The following LRRC4C variants were observed in gnomAD, a reference collection of about 807,000 sequenced individuals.
LRRC4C encodes leucine-rich repeat-containing protein 4C.
In LRRC4C, 5 loss-of-function variants were observed where a neutral mutation model predicts 33.6. The ratio of observed to expected loss-of-function variants is 0.15; its 90% confidence interval spans 0.08 to 0.31. The LOEUF (loss-of-function observed/expected upper bound fraction) is 0.31. Among genes scored for constraint, LRRC4C ranks in the 10% least tolerant of loss-of-function variants. The pLI is 1.00. For missense variants in LRRC4C, 560 were observed against 796.7 expected (o/e 0.70, Z 3.58); for synonymous variants, 329 against 302.0 (o/e 1.09, Z -0.93).
Position 40,505,004 on chromosome 11 carries a change from T to C in LRRC4C, c.-270+143138A>G, listed in dbSNP as rs192390261. 1.9e-4 allele frequency among the ~76,000 whole-genome samples: 29 copies of C among 152,314 alleles called. No individual in the cohort carries two copies. The East Asian group carries it at 3.7e-3, about 19-fold the overall frequency. Reference sequence around the variant, plus strand: ...GGGCCATCTTCAGGCTCAAGTCTTCTAGTGGGGGAAGGCAGGTGTTTTTTT... The same window carrying C: ...GGGCCATCTTCAGGCTCAAGTCTTCCAGTGGGGGAAGGCAGGTGTTTTTTT... On this transcript the variant is annotated intron_variant, in intron 3 of 6. Transcript: ENST00000528697.
chr11:40,877,796 T>C (rs982262684), intron 2 of LRRC4C, among the ~76,000 whole-genome samples: 66 of 152,288 alleles, frequency 4.3e-4, no homozygotes, highest in African/African-American at 1.5e-3. Context: ...TCCAAAGGCT[T>C]GTCTTTTCAT....
At chr11:41,022,218 T>G (rs1423478882) in intron 1 of LRRC4C, among the ~76,000 whole-genome samples, 1 of 150,056 alleles carries the variant, frequency 6.7e-6, no homozygotes, top group Non-Finnish European at 1.5e-5. Context: ...AACATATAAG[T>G]GTATATATAT....
intron 1 of LRRC4C, among the ~76,000 whole-genome samples, chr11:41,192,220 G>T (rs922461006): frequency 3.4e-4 from 52 of 152,078 alleles, no homozygotes; most frequent in African/African-American, 1.2e-3. Context: ...GGTTCATTAA[G>T]GTCTTCTCAT....
chr11:40,290,780 A>G (rs186851682), intron 4 of LRRC4C, among the ~76,000 whole-genome samples: 12 of 152,254 alleles, frequency 7.9e-5, no homozygotes, highest in Non-Finnish European at 1.2e-4. Flanking sequence ...GAGGAAAGGA[A>G]GAGGGAGAGA....
intron 1 of LRRC4C, among the ~76,000 whole-genome samples, chr11:41,409,503 C>T (rs1954378006): frequency 6.6e-6 from 1 of 152,136 alleles, no homozygotes; most frequent in Admixed American, 6.5e-5. Context: ...CTTAAAACAA[C>T]ATTATGAGAA....
chr11:40,896,888 G>T (rs1327116380), intron 2 of LRRC4C, among the ~76,000 whole-genome samples: 1 of 152,164 alleles, frequency 6.6e-6, no homozygotes, highest in Non-Finnish European at 1.5e-5. Context: ...TATCACAGAA[G>T]TGAGATAGAT....
intron 3 of LRRC4C, among the ~76,000 whole-genome samples, chr11:40,328,815 A>G (rs1378324155): frequency 6.6e-6 from 1 of 152,256 alleles, no homozygotes; most frequent in Non-Finnish European, 1.5e-5. Flanking sequence ...TGGAGTGCTC[A>G]GAGACTAGTG....
intron 1 of LRRC4C, among the ~76,000 whole-genome samples, chr11:41,320,485 G>T (rs992708816): frequency 2.6e-5 from 4 of 152,150 alleles, no homozygotes; most frequent in Non-Finnish European, 5.9e-5. Context: ...TGTCTATGGT[G>T]CATTACACTG....
chr11:40,584,883 G>C (rs1329925265), intron 3 of LRRC4C, among the ~76,000 whole-genome samples: 1 of 148,728 alleles, frequency 6.7e-6, no homozygotes, highest in Non-Finnish European at 1.5e-5. Context: ...AGTGAGCCGA[G>C]ATCATGCCAC....
chr11:40,688,665 GA>G (rs1945079894), intron 2 of LRRC4C, among the ~76,000 whole-genome samples: 1 of 152,102 alleles, frequency 6.6e-6, no homozygotes, highest in South Asian at 2.1e-4. Context: ...GGAAAGGTCA[GA>G]GGGGTGAAAT....
At chr11:41,162,566 TG>T (rs1328891434) in intron 1 of LRRC4C, among the ~76,000 whole-genome samples, 1 of 152,238 alleles carries the variant, frequency 6.6e-6, no homozygotes, top group African/African-American at 2.4e-5. Context: ...TATAGCCTAT[TG>T]CTCCTTAGGC....
chr11:40,963,989 G>T (rs1851149341), intron 1 of LRRC4C, among the ~76,000 whole-genome samples: 1 of 151,486 alleles, frequency 6.6e-6, no homozygotes, highest in Admixed American at 6.6e-5. Context: ...ATCTCGGTAG[G>T]TGGTCTTGGA....
intron 1 of LRRC4C, among the ~76,000 whole-genome samples, chr11:40,982,391 T>C (rs1306573740): frequency 1.3e-5 from 2 of 152,228 alleles, no homozygotes; most frequent in Admixed American, 6.5e-5. Context: ...GAGTGCCTTT[T>C]TTCTTACATG....
chr11:41,100,847 T>A (rs1941130007), intron 1 of LRRC4C, among the ~76,000 whole-genome samples: 2 of 151,888 alleles, frequency 1.3e-5, no homozygotes, highest in African/African-American at 4.8e-5. Flanking sequence ...AACAGACACA[T>A]AAACAAATGG....
chr11:41,230,220 TG>T (rs1474597243), intron 1 of LRRC4C, among the ~76,000 whole-genome samples: 3 of 152,134 alleles, frequency 2.0e-5, no homozygotes, highest in Non-Finnish European at 4.4e-5. Context: ...ATACATCCAT[TG>T]TGAACCTGTT....
At chr11:40,440,148 G>C (rs534799478) in intron 3 of LRRC4C, among the ~76,000 whole-genome samples, 61 of 152,222 alleles carry the variant, frequency 4.0e-4, no homozygotes, top group African/African-American at 1.4e-3. Context: ...TGAGGGCAGG[G>C]AGCTTGTCTG....
chr11:40,774,462 C>A (rs1202175975), intron 2 of LRRC4C, among the ~76,000 whole-genome samples: 4 of 152,054 alleles, frequency 2.6e-5, no homozygotes, highest in Admixed American at 6.6e-5. Context: ...TAATCTGGAG[C>A]TATTCTGCAT....
intron 3 of LRRC4C, among the ~76,000 whole-genome samples, chr11:40,368,511 C>G (rs921594523): frequency 6.6e-6 from 1 of 152,134 alleles, no homozygotes. Flanking sequence ...TCCCACTAGA[C>G]AGTACGTTTT....
At chr11:40,300,425 A>C (rs1273592424) in intron 4 of LRRC4C, among the ~76,000 whole-genome samples, 1 of 152,222 alleles carries the variant, frequency 6.6e-6, no homozygotes, top group African/African-American at 2.4e-5. Flanking sequence ...AAGAAAAAAT[A>C]ATTTGTTACC....
Sources: gnomAD v4.1 joint callset for allele counts (sites outside exome capture counted in the v4.1 genomes callset) on GRCh38, gnomAD v4.1.1 for gene constraint, MANE v1.5 for transcripts, NCBI Gene and HGNC (gene_info 2026-07-23, HGNC 2026-07-21) for gene names.